The following C17orf58 variants were observed in gnomAD, a reference collection of about 807,000 sequenced individuals.
C17orf58 encodes UPF0450 protein C17orf58.
C17orf58 carries 5 observed loss-of-function variants against 7.4 expected under a neutral mutation model. That is an observed-to-expected ratio of 0.67 (90% CI 0.35 to 1.42). C17orf58 has a LOEUF of 1.42. C17orf58 is among the 40% of genes most tolerant of loss of function. C17orf58 has a pLI of 0.04. For missense variants in C17orf58, 162 were observed against 174.2 expected, an observed-to-expected ratio of 0.93 and a Z score of 0.40; for synonymous variants, 60 against 70.6, an observed-to-expected ratio of 0.85 and a Z score of 0.75.
chr17:67,994,963 A>G (rs1415877284), intron 1 of C17orf58, among the ~76,000 whole-genome samples: 1 of 152,154 alleles, frequency 6.6e-6, no homozygotes, highest in Admixed American at 6.5e-5. Flanking sequence ...TTGGTGAGTA[A>G]ACCTCAGCCA....
rs184227604 is a variant in C17orf58 at position 67,991,689 on chromosome 17, C to T, written c.*224G>A. ...CTGTGTAAATCATTGTCTGGCACTA[C>T]AGTTGAATCACCTTGACACTGAGCT... On this transcript the variant is annotated 3_prime_UTR_variant, in exon 4 of 4. Coordinates refer to ENST00000580729, the MANE Select transcript of C17orf58 (RefSeq NM_001382359.1). 8 of 368,190 alleles carry T rather than the reference C, an allele frequency of 2.2e-5. No individual in the cohort carries two copies. In the East Asian group the frequency reaches 3.4e-4, roughly 16 times the overall value. The allele number at this position is 368,190 out of a possible 1,614,324, so 22.8% of individuals were successfully genotyped here. A position where few individuals can be genotyped will look rare whatever the true frequency, so the allele number is the denominator to read the frequency against.
chr17:67,992,811 T>C (rs1166339739), intron 3 of C17orf58: 2 of 1,451,956 alleles, frequency 1.4e-6, no homozygotes, highest in Non-Finnish European at 1.9e-6. Context: ...ATCTATTTAT[T>C]GACAGCCCGC....
intron 3 of C17orf58, among the ~76,000 whole-genome samples, chr17:67,992,698 G>T (rs528995677): frequency 2.0e-5 from 3 of 150,094 alleles, no homozygotes; most frequent in South Asian, 2.2e-4. Context: ...GGTATTCCCC[G>T]CTACCAACCC....
chr17:67,992,907 T>A, intron 3 of C17orf58, 137 bp downstream of exon 3: 1 of 1,613,866 alleles, frequency 6.2e-7, no homozygotes, highest in Non-Finnish European at 8.5e-7. Context: ...ATACCTGTCG[T>A]CTAAATCCCA....
chr17:67,993,973 G>T lies in C17orf58; in HGVS notation c.88C>A (p.His30Asn), dbSNP rs1249286255. Reference sequence around the variant, plus strand: ...CCGCGGGAGTCCGGCTTTCTGCTGTGCGGCGGCGAGGCTGTGGGGAGAGAA... The same window carrying T: ...CCGCGGGAGTCCGGCTTTCTGCTGTTCGGCGGCGAGGCTGTGGGGAGAGAA... ...PVAERKTSPP[H>N]SRKPDSRGCP... The change falls in exon 2 of 4, where the codon CAC (histidine) becomes AAC (asparagine). Residue 30 changes from histidine to asparagine, a missense_variant. By Grantham distance (68) the His-to-Asn change is moderately conservative. This residue lies in a region of C17orf58 where 93 missense variants were observed against 90.4 expected (regional missense o/e 1.03). Transcript: ENST00000580729. This position sits in a 1 kb window ranked among gnomAD's most constrained non-coding sequence, Gnocchi z 5.1. 5 of 396,250 alleles carry T rather than the reference G, an allele frequency of 1.3e-5. No homozygotes were observed. The highest frequency in any genetic ancestry group is 8.3e-5 in the African/African-American group (4 of 48,410). The allele number at this position is 396,250 out of a possible 1,614,324, so 24.5% of individuals were successfully genotyped here. A position where few individuals can be genotyped will look rare whatever the true frequency, so the allele number is the denominator to read the frequency against.
intron 1 of C17orf58, among the ~76,000 whole-genome samples, chr17:67,995,870 G>A (rs1380354455): frequency 6.6e-6 from 1 of 152,242 alleles, no homozygotes; most frequent in Non-Finnish European, 1.5e-5. Flanking sequence ...AACATGCAAA[G>A]TTTTCCCCAG....
chr17:67,994,910 A>G (rs1214303532), intron 1 of C17orf58, among the ~76,000 whole-genome samples: 3 of 152,184 alleles, frequency 2.0e-5, no homozygotes, highest in Non-Finnish European at 4.4e-5. Flanking sequence ...ATGAAAACAA[A>G]TTTTTAAAAT....
rs2070859824 is a variant in C17orf58, at chr17:67,993,517, G to A, written c.544C>T (p.Pro182Ser). The A allele has an allele frequency of 2.6e-6, 1 of 383,838 alleles. No homozygotes were observed. The highest frequency in any genetic ancestry group is 4.6e-6 in the Non-Finnish European group (1 of 217,114). 23.8% of individuals were successfully genotyped at this position (383,838 alleles called of 1,614,324 possible). The stretch of plus-strand genomic sequence containing the variant: ...GCGCCGGGCTCCGCGTCCCTCTGCG[G>A]CGGGCTGAGGCCGAAGCTGAGGCTG... ...RFSLSFGLSP[P>S]QRDAEPGAEP... is the part of the protein sequence containing the mutation. The change falls in exon 2 of 4, where the codon CCG (proline) becomes TCG (serine). Residue 182 changes from proline (P) to serine (S), a missense_variant. By Grantham distance (74) the Pro-to-Ser change is moderately conservative (BLOSUM62 -1). Transcript: ENST00000580729. The surrounding 1 kb of genome is among the most constrained non-coding windows in gnomAD (Gnocchi z 5.1).
chr17:67,994,033 C>A (rs1599119053), intron 1 of C17orf58, 49 bp from the exon 2 acceptor site: 1 of 387,160 alleles, frequency 2.6e-6, no homozygotes, highest in Non-Finnish European at 4.6e-6. Context: ...GGAGGAGAAG[C>A]AGTGAGGGGA....
chr17:67,992,779 G>T, intron 3 of C17orf58: 1 of 1,254,418 alleles, frequency 8.0e-7, no homozygotes, highest in Non-Finnish European at 1.1e-6. Context: ...ATGGTGTTTG[G>T]TCGTCCACCC....
chr17:67,994,288 C>T (rs1338979427), intron 1 of C17orf58, among the ~76,000 whole-genome samples: 25 of 151,550 alleles, frequency 1.6e-4, no homozygotes, highest in Non-Finnish European at 2.7e-4. Context: ...AGAACCCGGA[C>T]GCAGCGTCGC....
intron 1 of C17orf58, among the ~76,000 whole-genome samples, chr17:67,994,231 A>G (rs1437199572): frequency 6.6e-6 from 1 of 151,702 alleles, no homozygotes; most frequent in East Asian, 2.0e-4. Context: ...GGCACCTGCA[A>G]GAGGAGAGAT....
rs368917203 is a variant in C17orf58 at position 67,993,164 on chromosome 17, G to T, written c.709C>A (p.Arg237=). 6.2e-7 allele frequency: 1 copy of T among 1,613,216 alleles called. No homozygotes were observed. The change falls in exon 3 of 4, where the codon CGG becomes AGG. Residue 237 remains arginine (R), a synonymous_variant. Coordinates refer to ENST00000580729, the MANE Select transcript of C17orf58 (RefSeq NM_001382359.1). This position sits in a 1 kb window ranked among gnomAD's most constrained non-coding sequence, Gnocchi z 5.1. Reference sequence around the variant, plus strand: ...CGGTTCATCTTGTACAGCCCGTCCCGATCCACCAGCAGGGTCACCAGCCGG... The same window carrying T: ...CGGTTCATCTTGTACAGCCCGTCCCTATCCACCAGCAGGGTCACCAGCCGG... ...GIRLVTLLVD[R]DGLYKMNRLY...
Position 67,993,140 on chromosome 17 carries a change from G to C in C17orf58, c.733C>G (p.Arg245Gly), listed in dbSNP as rs1555699432. The change falls in exon 3 of 4, where the codon CGC (arginine) becomes GGC (glycine). Residue 245 changes from arginine to glycine, a missense_variant. Coordinates refer to ENST00000580729, the MANE Select transcript of C17orf58 (RefSeq NM_001382359.1). The surrounding 1 kb of genome is among the most constrained non-coding windows in gnomAD (Gnocchi z 5.1). ...VDRDGLYKMN[R>G]LYLTPDGFFF... is the part of the protein sequence containing the mutation. ...AAGCCGTCGGGGGTGAGGTACAGGCGGTTCATCTTGTACAGCCCGTCCCGA... is the reference window on the plus strand; with the variant it reads ...AAGCCGTCGGGGGTGAGGTACAGGCCGTTCATCTTGTACAGCCCGTCCCGA... 1 of 1,613,946 alleles carries C rather than the reference G, an allele frequency of 6.2e-7. No individual in the cohort carries two copies. The highest frequency in any genetic ancestry group is 1.7e-5 in the Admixed American group (1 of 60,004).
chr17:67,992,726 A>G (rs2070846703), intron 3 of C17orf58, among the ~76,000 whole-genome samples: 1 of 152,098 alleles, frequency 6.6e-6, no homozygotes, highest in Non-Finnish European at 1.5e-5. Context: ...ACACCCAAAA[A>G]AGCAGCTTTT....
rs1599118768 is a variant in C17orf58, at chr17:67,993,577, C to G, written c.484G>C (p.Ala162Pro). The change falls in exon 2 of 4, where the codon GCC becomes CCC. Residue 162 changes from alanine (A) to proline (P), a missense_variant. Coordinates refer to ENST00000580729, the MANE Select transcript of C17orf58 (RefSeq NM_001382359.1). This position sits in a 1 kb window ranked among gnomAD's most constrained non-coding sequence, Gnocchi z 5.1. ...HPNRPRAAAL[A>P]PGPAPAPPPR... ...GGCGGCGCGGGCGCGGGTCCCGGGG[C>G]CAGCGCGGCGGCGCGCGGCCGGTTG... The G allele has an allele frequency of 5.1e-6, 1 of 195,736 alleles. No homozygotes were observed. The highest frequency in any genetic ancestry group is 1.2e-4 in the East Asian group (1 of 8,040). 12.1% of individuals were successfully genotyped at this position (195,736 alleles called of 1,614,324 possible).
intron 1 of C17orf58, among the ~76,000 whole-genome samples, chr17:67,995,619 C>T (rs1278573090): frequency 6.6e-6 from 1 of 152,240 alleles, no homozygotes; most frequent in Non-Finnish European, 1.5e-5. Context: ...GTTAGTTAAA[C>T]CCCGGCTCAG....
chr17:67,993,708 G>C lies in C17orf58; in HGVS notation c.353C>G (p.Pro118Arg), dbSNP rs1555699503. ...AENRASPRREPASEDAPRRAR... is the reference protein window; with the variant it reads ...AENRASPRRERASEDAPRRAR... ...GCGTCGCGGGGCGTCCTCCGACGCG[G>C]GCTCGCGGCGCGGCGACGCGCGGTT... is the stretch of plus-strand genomic sequence containing the variant. Residue 118 changes from proline to arginine, a missense_variant, in exon 2 of 4, where the codon CCC (proline) becomes CGC (arginine). Pro to Arg is a moderately radical substitution (Grantham distance 103). Around this residue, in one of 3 missense-constraint regions of C17orf58, gnomAD observed 93 missense variants for 90.4 expected, o/e 1.03. Transcript: ENST00000580729. The surrounding 1 kb of genome is among the most constrained non-coding windows in gnomAD (Gnocchi z 5.1). The C allele has an allele frequency of 1.4e-5, 2 of 147,702 alleles. No individual in the cohort carries two copies. The highest frequency in any genetic ancestry group is 4.9e-5 in the African/African-American group (2 of 40,676). 9.1% of individuals were successfully genotyped at this position (147,702 alleles called of 1,614,324 possible).
At chr17:67,994,535 T>TATATATATA (rs71142122) in intron 1 of C17orf58, among the ~76,000 whole-genome samples, 3 of 100,310 alleles carry the variant, frequency 3.0e-5, no homozygotes, top group Non-Finnish European at 2.3e-5. Flanking sequence ...TATATATATA[T>TATATATATA]AAAACATATA....
Sources: allele counts gnomAD v4.1 joint callset (sites outside exome capture counted in the v4.1 genomes callset), GRCh38; gene constraint gnomAD v4.1.1; regional missense constraint gnomAD v4.1.1; non-coding constraint Gnocchi (gnomAD v3.1); transcripts MANE v1.5; gene names NCBI Gene and HGNC (gene_info 2026-07-23, HGNC 2026-07-21).